The following MAP2K1 variants were observed in gnomAD, a reference collection of about 807,000 sequenced individuals.
The protein encoded by MAP2K1 is dual specificity mitogen-activated protein kinase kinase 1.
In MAP2K1, 16 loss-of-function variants were observed where a neutral mutation model predicts 46.3. The ratio of observed to expected loss-of-function variants is 0.35; its 90% CI spans 0.23 to 0.52. The LOEUF is 0.52. Ranked by LOEUF, MAP2K1 falls within the 20% of genes least tolerant of loss-of-function variation. The probability of loss-of-function intolerance (pLI) is 0.94; values close to 1 mark genes in which losing one functional copy is unlikely to be tolerated. For missense variants in MAP2K1, 263 were observed against 497.1 expected, an observed-to-expected ratio of 0.53 and a Z score of 4.48; for synonymous variants, 183 against 185.6, an observed-to-expected ratio of 0.99 and a Z score of 0.11.
intron 1 of MAP2K1, among the ~76,000 whole-genome samples, chr15:66,421,682 C>T (rs1354950748): frequency 2.0e-5 from 3 of 151,494 alleles, no homozygotes; most frequent in South Asian, 2.1e-4. Flanking sequence ...GGCCTGTAAT[C>T]CCAGCTACTT....
intron 1 of MAP2K1, among the ~76,000 whole-genome samples, chr15:66,391,032 C>G (rs2093355100): frequency 6.7e-6 from 1 of 149,536 alleles, no homozygotes; most frequent in South Asian, 2.1e-4. Context: ...TGTGGTCCCT[C>G]TTTGTCATGT....
intron 8 of MAP2K1, among the ~76,000 whole-genome samples, chr15:66,488,106 A>G (rs1281181790): frequency 1.3e-5 from 2 of 150,178 alleles, no homozygotes; most frequent in East Asian, 1.9e-4. Flanking sequence ...GCTTGGCTGC[A>G]TGGCAGTTGT....
At chr15:66,484,334 G>T (rs546008229) in intron 6 of MAP2K1, among the ~76,000 whole-genome samples, 1 of 152,104 alleles carries the variant, frequency 6.6e-6, no homozygotes, top group South Asian at 2.1e-4. Flanking sequence ...TTTTAGTAGA[G>T]ATGGGGTTTC....
chr15:66,487,573 A>G (rs528825930), intron 8 of MAP2K1, among the ~76,000 whole-genome samples: 2 of 152,292 alleles, frequency 1.3e-5, no homozygotes, highest in African/African-American at 4.8e-5. Flanking sequence ...TGGGAGGCGG[A>G]GGTTGACTCT....
chr15:66,414,412 A>G (rs1332105640), intron 1 of MAP2K1, among the ~76,000 whole-genome samples: 1 of 152,186 alleles, frequency 6.6e-6, no homozygotes, highest in Non-Finnish European at 1.5e-5. Flanking sequence ...TTATTATAGC[A>G]AAAAGGGTAC....
intron 1 of MAP2K1, among the ~76,000 whole-genome samples, chr15:66,391,777 C>T (rs578078362): frequency 9.8e-4 from 149 of 152,154 alleles, no homozygotes; most frequent in Middle Eastern, 3.4e-3. Flanking sequence ...TTGTTTTAGT[C>T]ACCCACTCAA....
At position 66,420,821 on chromosome 15, in the gene MAP2K1, ATATATATGTGTATATATATG is replaced by A. The variant is rs1567003168; in HGVS notation, c.81-14204_81-14185del. ...TATATATGTGTATATATATGTGTATATATATATGTGTATATATATGTGTGTATATATATGTGTGTATATAT... is the reference window on the plus strand; with the variant it reads ...TATATATGTGTATATATATGTGTATATGTGTATATATATGTGTGTATATAT... On this transcript the variant is annotated intron_variant, in intron 1 of 10. Transcript: ENST00000307102. 1.5e-3 allele frequency among the ~76,000 whole-genome samples: 168 copies of A among 109,312 alleles called. 41 individuals carry two copies. Among genetic ancestry groups the A allele is most frequent in the Non-Finnish European group, 2.3e-3 (114 of 50,282 alleles). 71.7% of individuals were successfully genotyped at this position (109,312 alleles called of 152,430 possible). A position where few individuals can be genotyped will look rare whatever the true frequency, so the allele number is the denominator to read the frequency against.
chr15:66,387,728 C>T (rs968096092), intron 1 of MAP2K1, among the ~76,000 whole-genome samples: 3 of 152,214 alleles, frequency 2.0e-5, no homozygotes, highest in Admixed American at 1.3e-4. Flanking sequence ...GTCTCCCCTG[C>T]CTCCTCCCAG....
At chr15:66,425,458 T>G (rs2093455702) in intron 1 of MAP2K1, among the ~76,000 whole-genome samples, 1 of 152,194 alleles carries the variant, frequency 6.6e-6, no homozygotes, top group Non-Finnish European at 1.5e-5. Context: ...CTTCTTCACT[T>G]GCTGACAGAT....
chr15:66,421,421 C>T lies in MAP2K1; in HGVS notation c.81-13606C>T, dbSNP rs1197575341. On this transcript the variant is annotated intron_variant, in intron 1 of 10. Coordinates refer to ENST00000307102, the MANE Select transcript of MAP2K1 (RefSeq NM_002755.4). ...TGCCAGGATTACAGGTTTGAGCCAC[C>T]TTGCCTGGCCTGGCTTATAATCTTT... Among the ~76,000 whole-genome samples the T allele has an allele frequency of 3.3e-5, 5 of 151,670 alleles. No homozygotes were observed. In the South Asian group the frequency reaches 1.0e-3, roughly 31 times the overall value.
At chr15:66,394,919 C>T (rs11856139) in intron 1 of MAP2K1, among the ~76,000 whole-genome samples, 8,566 of 152,246 alleles carry the variant, frequency 0.056, 346 homozygotes, top group Middle Eastern at 0.11. Flanking sequence ...ACATCTCTGC[C>T]GCTGTTACAG....
intron 1 of MAP2K1, among the ~76,000 whole-genome samples, chr15:66,394,436 T>C (rs942258739): frequency 2.0e-5 from 3 of 151,680 alleles, no homozygotes; most frequent in African/African-American, 7.3e-5. Context: ...TTCTGAGATG[T>C]GTACCATGAT....
At chr15:66,438,331 C>T (rs189546352) in intron 3 of MAP2K1, among the ~76,000 whole-genome samples, 20 of 152,224 alleles carry the variant, frequency 1.3e-4, no homozygotes, top group Admixed American at 9.2e-4. Flanking sequence ...TCATGATCTG[C>T]CCGCCTCGGC....
intron 1 of MAP2K1, among the ~76,000 whole-genome samples, chr15:66,409,527 C>T (rs1304933911): frequency 6.6e-6 from 1 of 152,128 alleles, no homozygotes; most frequent in Non-Finnish European, 1.5e-5. Context: ...TTCTCACACT[C>T]CTCCGCCACG....
At chr15:66,455,617 G>A (rs536312197) in intron 5 of MAP2K1, among the ~76,000 whole-genome samples, 19 of 152,304 alleles carry the variant, frequency 1.2e-4, no homozygotes, top group African/African-American at 4.3e-4. Flanking sequence ...AGCTGGGTGA[G>A]TATGTCCTGG....
At chr15:66,470,994 C>G (rs1262933652) in intron 5 of MAP2K1, among the ~76,000 whole-genome samples, 1 of 152,190 alleles carries the variant, frequency 6.6e-6, no homozygotes, top group African/African-American at 2.4e-5. Context: ...CTTCGAGGTC[C>G]CAGGTAGGTG....
At chr15:66,392,024 CT>C (rs1163412384) in intron 1 of MAP2K1, among the ~76,000 whole-genome samples, 1 of 152,078 alleles carries the variant, frequency 6.6e-6, no homozygotes, top group African/African-American at 2.4e-5. Context: ...GATTGGAGTC[CT>C]TTAGGGATCC....
chr15:66,405,404 A>C (rs1395128869), intron 1 of MAP2K1, among the ~76,000 whole-genome samples: 1 of 152,230 alleles, frequency 6.6e-6, no homozygotes, highest in Non-Finnish European at 1.5e-5. Context: ...AGTGGCTACT[A>C]TACTGGACCA....
At chr15:66,427,778 C>T (rs185406575) in intron 1 of MAP2K1, among the ~76,000 whole-genome samples, 17 of 151,914 alleles carry the variant, frequency 1.1e-4, no homozygotes, top group Admixed American at 5.9e-4. Flanking sequence ...CACTTTGGGA[C>T]GCTGAGCCTG....
Sources: allele counts gnomAD v4.1 joint callset (sites outside exome capture counted in the v4.1 genomes callset), GRCh38; gene constraint gnomAD v4.1.1; transcripts MANE v1.5; gene names NCBI Gene and HGNC (gene_info 2026-07-23, HGNC 2026-07-21).